NCAM1: variants seen among roughly 807,000 people sequenced by gnomAD.
The protein encoded by NCAM1 is antigen recognized by monoclonal antibody 5.1H11.
A neutral mutation model predicts 109.8 loss-of-function variants in NCAM1; 14 were observed. The observed-to-expected ratio is 0.13, with a 90% confidence interval of 0.08 to 0.20. The LOEUF (loss-of-function observed/expected upper bound fraction) is 0.20, where lower values mean the gene tolerates loss of function less well. NCAM1 is among the 10% of genes least tolerant of loss of function. The pLI, the probability that NCAM1 is intolerant of heterozygous loss-of-function variation, is 1.00. For synonymous variants in NCAM1, 418 were observed against 442.9 expected (o/e 0.94, Z 0.70); for missense variants, 774 against 1,109.9 (o/e 0.70, Z 4.30).
chr11:113,088,005 G>A (rs1233809779), intron 1 of NCAM1, among the ~76,000 whole-genome samples: 2 of 152,188 alleles, frequency 1.3e-5, no homozygotes, highest in African/African-American at 4.8e-5. Context: ...GAAAAGAAAA[G>A]TTAACATTAA....
At position 113,270,143 on chromosome 11, in the gene NCAM1, C is replaced by T. The variant is rs143886531; in HGVS notation, c.2132-45C>T. 820 of 1,592,990 alleles carry T rather than the reference C, an allele frequency of 5.1e-4. 6 individuals carry two copies. In the African/African-American group the frequency reaches 8.7e-3, roughly 17 times the overall value. The stretch of plus-strand genomic sequence containing the variant: ...TTTTGCTGGCAGGGTCTGGAGGTCT[C>T]GCATCTCAGTCTGTTAACCACCAGC... On this transcript the variant is annotated intron_variant, in intron 17 of 19. Coordinates refer to ENST00000316851, the MANE Select transcript of NCAM1 (RefSeq NM_181351.5).
chr11:113,210,771 CACAA>C lies in NCAM1; in HGVS notation c.916+2773_916+2776del, dbSNP rs1555113536. On this transcript the variant is annotated intron_variant, in intron 7 of 19. Coordinates refer to ENST00000316851, the MANE Select transcript of NCAM1 (RefSeq NM_181351.5). ...CTTGGACACATACACCCCTCTTCAT[CACAA>C]ACACACACACACACACACACACACA... 2.2e-3 allele frequency among the ~76,000 whole-genome samples: 251 copies of C among 114,280 alleles called. 1 individual carries two copies. Among genetic ancestry groups the C allele is most frequent in the African/African-American group, 7.7e-3 (210 of 27,406 alleles). 75.0% of individuals were successfully genotyped at this position (114,280 alleles called of 152,430 possible).
chr11:113,233,602 G>A lies in NCAM1; in HGVS notation c.1693+285G>A. On this transcript the variant is annotated intron_variant, in intron 13 of 19. Coordinates refer to ENST00000316851, the MANE Select transcript of NCAM1 (RefSeq NM_181351.5). This position sits in a 1 kb window ranked among gnomAD's most constrained non-coding sequence, Gnocchi z 4.5. ...TTCTGAGCGCAGCCAGATGAGTCCAGCCCATAGGTTCTGAGCATGGCCAGA... is the reference window on the plus strand; with the variant it reads ...TTCTGAGCGCAGCCAGATGAGTCCAACCCATAGGTTCTGAGCATGGCCAGA... Among the ~76,000 whole-genome samples, 1 of 152,170 alleles carries A rather than the reference G, an allele frequency of 6.6e-6. No individual in the cohort carries two copies. The highest frequency in any genetic ancestry group is 1.9e-4 in the East Asian group (1 of 5,186).
At chr11:113,044,881 G>A (rs1157899622) in intron 1 of NCAM1, among the ~76,000 whole-genome samples, 1 of 151,926 alleles carries the variant, frequency 6.6e-6, no homozygotes, top group African/African-American at 2.4e-5. Context: ...AGCCTCCCGA[G>A]TAGCTGGGAC....
chr11:113,186,832 A>G (rs1210659873), intron 1 of NCAM1, among the ~76,000 whole-genome samples: 1 of 152,264 alleles, frequency 6.6e-6, no homozygotes, highest in Admixed American at 6.5e-5. Context: ...CACACACAGC[A>G]GAGGTGCGAA....
chr11:112,988,056 A>G (rs1270271214), intron 1 of NCAM1, among the ~76,000 whole-genome samples: 4 of 152,054 alleles, frequency 2.6e-5, no homozygotes, highest in African/African-American at 9.7e-5. Context: ...TATTTACTAT[A>G]GGTTTTTGCT....
At chr11:113,211,513 T>C (rs1944390946) in intron 7 of NCAM1, among the ~76,000 whole-genome samples, 1 of 152,046 alleles carries the variant, frequency 6.6e-6, no homozygotes, top group African/African-American at 2.4e-5. Flanking sequence ...TATCATCCTT[T>C]AAATTTGGCA....
chr11:113,006,442 C>T (rs1488510055), intron 1 of NCAM1, among the ~76,000 whole-genome samples: 1 of 152,104 alleles, frequency 6.6e-6, no homozygotes, highest in Non-Finnish European at 1.5e-5. Context: ...GGTTCAGAAA[C>T]CTCTATTTCT....
At chr11:113,195,647 C>T (rs11214539) in intron 1 of NCAM1, among the ~76,000 whole-genome samples, 5 of 151,942 alleles carry the variant, frequency 3.3e-5, no homozygotes, top group South Asian at 4.2e-4. Flanking sequence ...GGACCACAGG[C>T]GCCCACCACC....
intron 14 of NCAM1, among the ~76,000 whole-genome samples, chr11:113,238,844 A>G (rs930703014): frequency 3.9e-5 from 6 of 152,172 alleles, no homozygotes; most frequent in Admixed American, 3.9e-4. Flanking sequence ...CCCAAGCCCC[A>G]AGGAAGAGAA....
chr11:112,991,587 A>G lies in NCAM1; in HGVS notation c.52+29923A>G, dbSNP rs543962885. On this transcript the variant is annotated intron_variant, in intron 1 of 19. Coordinates refer to ENST00000316851, the MANE Select transcript of NCAM1 (RefSeq NM_181351.5). ...CAACTCACTTTACATGAAGAAGTGA[A>G]GTGAAGAAGAAAGAGAGCAGAGCTT... Among the ~76,000 whole-genome samples, 5 of 152,318 alleles carry G rather than the reference A, an allele frequency of 3.3e-5. No homozygotes were observed. In the South Asian group the frequency reaches 1.0e-3, roughly 32 times the overall value.
At chr11:113,224,488 G>A (rs1944779273) in intron 9 of NCAM1, among the ~76,000 whole-genome samples, 1 of 152,262 alleles carries the variant, frequency 6.6e-6, no homozygotes, top group Admixed American at 6.5e-5. Context: ...CCTGCCTCTT[G>A]TAGACTCCAC....
intron 14 of NCAM1, 60 bp from the exon 15 acceptor site, chr11:113,246,308 C>A: frequency 1.4e-6 from 1 of 723,678 alleles, no homozygotes; most frequent in Non-Finnish European, 2.5e-6. Context: ...GCGTGCGTAT[C>A]ATGTGACTTT....
intron 1 of NCAM1, among the ~76,000 whole-genome samples, chr11:112,968,604 T>C (rs546340920): frequency 6.6e-6 from 1 of 152,330 alleles, no homozygotes; most frequent in South Asian, 2.1e-4. Context: ...TAAACGTACA[T>C]CGTCCCTGTT....
Position 113,235,179 on chromosome 11 carries a change from C to A in NCAM1, c.1825+15C>A. 6.2e-7 allele frequency: 1 copy of A among 1,613,892 alleles called. No homozygotes were observed. ...GCAGCCAGTCCGTAAGTAAAGCCAG[C>A]TGCCCCCCTTTTCCCAGCCCACCTT... On this transcript the variant is annotated intron_variant, in intron 14 of 19. Transcript: ENST00000316851.
intron 1 of NCAM1, among the ~76,000 whole-genome samples, chr11:113,155,081 A>G (rs1224160132): frequency 6.6e-6 from 1 of 152,130 alleles, no homozygotes; most frequent in African/African-American, 2.4e-5. Context: ...GAAAAGATGC[A>G]CCCGAGGAGA....
At chr11:113,202,241 T>C (rs1331010355) in intron 1 of NCAM1, 138 bp from the exon 2 acceptor site, 1 of 876,050 alleles carries the variant, frequency 1.1e-6, no homozygotes, top group Non-Finnish European at 1.7e-6. Flanking sequence ...CTTCACTCTT[T>C]CTTAAAGTCA....
intron 1 of NCAM1, among the ~76,000 whole-genome samples, chr11:113,169,474 A>T (rs1422283316): frequency 6.6e-6 from 1 of 152,218 alleles, no homozygotes; most frequent in East Asian, 1.9e-4. Context: ...ACATAGGGGA[A>T]GAGATAATAC....
At position 112,981,656 on chromosome 11, in the gene NCAM1, TG is replaced by T. The variant is rs1482669386; in HGVS notation, c.52+19993del. ...ATCACTTGCAAATTTTCCACTAGGATGCTTTGGTGTATTTGGTGCAGCTATT... is the reference window on the plus strand; with the variant it reads ...ATCACTTGCAAATTTTCCACTAGGATCTTTGGTGTATTTGGTGCAGCTATT... On this transcript the variant is annotated intron_variant, in intron 1 of 19. Transcript: ENST00000316851. Among the ~76,000 whole-genome samples the T allele has an allele frequency of 2.6e-5, 4 of 151,980 alleles. No individual in the cohort carries two copies. In the East Asian group the frequency reaches 7.8e-4, roughly 30 times the overall value.
Sources: gnomAD v4.1 joint callset for allele counts (sites outside exome capture counted in the v4.1 genomes callset) on GRCh38, gnomAD v4.1.1 for gene constraint, Gnocchi (gnomAD v3.1) non-coding constraint, MANE v1.5 for transcripts, NCBI Gene and HGNC (gene_info 2026-07-23, HGNC 2026-07-21) for gene names.